The following WWOX variants were observed in gnomAD, a reference collection of about 807,000 sequenced individuals.
WWOX encodes the protein WW domain containing oxidoreductase.
WWOX carries 69 observed loss-of-function variants against 46.2 expected under a neutral mutation model. The observed-to-expected ratio is 1.49, with a 90% CI of 1.23 to 1.82. WWOX has a LOEUF of 1.82. Ranked by LOEUF, WWOX falls within the 40% of genes most tolerant of loss-of-function variation. The pLI is 0.00. For synonymous variants in WWOX, 359 were observed against 202.6 expected, an observed-to-expected ratio of 1.77 and a Z score of -6.56; for missense variants, 919 against 542.6, an observed-to-expected ratio of 1.69 and a Z score of -6.89.
intron 8 of WWOX, among the ~76,000 whole-genome samples, chr16:78,853,916 A>G (rs1022790171): frequency 3.3e-5 from 5 of 152,232 alleles, no homozygotes; most frequent in Non-Finnish European, 2.9e-5. Flanking sequence ...AATTTAAAAT[A>G]CTTGTAGTAT....
intron 8 of WWOX, among the ~76,000 whole-genome samples, chr16:78,792,303 C>T (rs2050625843): frequency 6.6e-6 from 1 of 152,114 alleles, no homozygotes; most frequent in Non-Finnish European, 1.5e-5. Flanking sequence ...CTGGAGTAAC[C>T]CAGCCCCACC....
chr16:78,100,364 C>T (rs1036550049), intron 1 of WWOX, among the ~76,000 whole-genome samples: 1 of 152,116 alleles, frequency 6.6e-6, no homozygotes, highest in Non-Finnish European at 1.5e-5. Flanking sequence ...ACAATCCTCT[C>T]ATCTCAGCCT....
chr16:78,324,845 CTG>C (rs902892540), intron 5 of WWOX, among the ~76,000 whole-genome samples: 1 of 152,116 alleles, frequency 6.6e-6, no homozygotes, highest in Non-Finnish European at 1.5e-5. Flanking sequence ...TTGCAATTGT[CTG>C]TGTTGGTTGC....
At chr16:78,497,227 T>C (rs1432794422) in intron 8 of WWOX, among the ~76,000 whole-genome samples, 8 of 63,118 alleles carry the variant, frequency 1.3e-4, no homozygotes, top group Non-Finnish European at 4.3e-4. Context: ...CCACAGCACA[T>C]ACTCATTTTT....
chr16:78,438,459 C>G (rs1362145906), intron 8 of WWOX, among the ~76,000 whole-genome samples: 3 of 149,646 alleles, frequency 2.0e-5, no homozygotes, highest in Admixed American at 6.7e-5. Flanking sequence ...CCAACCCCAC[C>G]TTTTTTTTTT....
At chr16:78,281,244 A>G (rs2079673426) in intron 5 of WWOX, among the ~76,000 whole-genome samples, 1 of 152,236 alleles carries the variant, frequency 6.6e-6, no homozygotes, top group Non-Finnish European at 1.5e-5. Flanking sequence ...AGACAGCGCC[A>G]AGCCATGAGG....
intron 8 of WWOX, among the ~76,000 whole-genome samples, chr16:78,587,216 T>TTTTTTG (rs2045230607): frequency 1.5e-5 from 2 of 134,988 alleles, no homozygotes; most frequent in African/African-American, 6.1e-5. Flanking sequence ...TTTTTTTTTT[T>TTTTTTG]GTAGAAACAG....
At chr16:78,149,599 G>A (rs1314406081) in intron 4 of WWOX, among the ~76,000 whole-genome samples, 1 of 152,226 alleles carries the variant, frequency 6.6e-6, no homozygotes, top group Non-Finnish European at 1.5e-5. Context: ...CTGGTAGGCT[G>A]TTGATGAAAC....
intron 8 of WWOX, among the ~76,000 whole-genome samples, chr16:78,816,020 C>T (rs532157285): frequency 3.0e-3 from 455 of 152,298 alleles, no homozygotes; most frequent in Non-Finnish European, 5.3e-3. Context: ...AACTGTAAGG[C>T]CAAGTGGTCA....
intron 8 of WWOX, among the ~76,000 whole-genome samples, chr16:78,919,350 A>C (rs1345151464): frequency 2.0e-5 from 3 of 151,996 alleles, no homozygotes. Flanking sequence ...GGTAGATTCT[A>C]GAATTTGCAT....
intron 8 of WWOX, among the ~76,000 whole-genome samples, chr16:78,661,412 T>C (rs907406167): frequency 2.0e-5 from 3 of 152,306 alleles, no homozygotes; most frequent in Non-Finnish European, 4.4e-5. Flanking sequence ...AATTTTTTTT[T>C]CCCCTTTCAA....
At position 79,211,889 on chromosome 16, in the gene WWOX, A is replaced by T; in HGVS notation, c.*93A>T. 1 of 1,574,642 alleles carries T rather than the reference A, an allele frequency of 6.4e-7. No homozygotes were observed. On this transcript the variant is annotated 3_prime_UTR_variant, in exon 9 of 9. Coordinates refer to ENST00000566780, the MANE Select transcript of WWOX (RefSeq NM_016373.4). ...TGGGCCCCTTCCAAATGTCCCTCCA[A>T]CACAGATCCGCAAGAGTAAAGGAAA...
intron 8 of WWOX, among the ~76,000 whole-genome samples, chr16:79,165,833 C>T (rs771614437): frequency 6.6e-6 from 1 of 152,172 alleles, no homozygotes; most frequent in Non-Finnish European, 1.5e-5. Flanking sequence ...CTCACTCGGT[C>T]GCCGAACCGG....
intron 8 of WWOX, among the ~76,000 whole-genome samples, chr16:78,755,034 A>T (rs1323838690): frequency 3.6e-5 from 4 of 109,960 alleles, no homozygotes; most frequent in Non-Finnish European, 7.1e-5. Flanking sequence ...AACATCACAC[A>T]CCGGGGCCTG....
At chr16:78,935,040 A>G (rs2045707101) in intron 8 of WWOX, among the ~76,000 whole-genome samples, 2 of 152,216 alleles carry the variant, frequency 1.3e-5, no homozygotes, top group South Asian at 2.1e-4. Context: ...CATGCAAATC[A>G]AAACCACAAT....
chr16:78,699,659 A>G (rs1597461176), intron 8 of WWOX, among the ~76,000 whole-genome samples: 1 of 152,212 alleles, frequency 6.6e-6, no homozygotes, highest in South Asian at 2.1e-4. Context: ...TGATTTTAAA[A>G]AGGAGAGTCA....
intron 8 of WWOX, among the ~76,000 whole-genome samples, chr16:79,048,867 A>G (rs1442258114): frequency 6.6e-6 from 1 of 152,078 alleles, no homozygotes; most frequent in Admixed American, 6.6e-5. Flanking sequence ...GCAATATAGC[A>G]CATCTCTACC....
At chr16:78,543,150 C>A (rs2043938331) in intron 8 of WWOX, among the ~76,000 whole-genome samples, 1 of 152,198 alleles carries the variant, frequency 6.6e-6, no homozygotes, top group South Asian at 2.1e-4. Context: ...GGGACCCGGA[C>A]TTATAGAGTC....
intron 5 of WWOX, among the ~76,000 whole-genome samples, chr16:78,351,833 T>G (rs149314254): frequency 1.5e-3 from 231 of 152,276 alleles, no homozygotes; most frequent in Admixed American, 3.1e-3. Flanking sequence ...ATTTTTATAT[T>G]TTTACTCGAG....
Sources: allele counts gnomAD v4.1 joint callset (sites outside exome capture counted in the v4.1 genomes callset), GRCh38; gene constraint gnomAD v4.1.1; transcripts MANE v1.5; gene names NCBI Gene and HGNC (gene_info 2026-07-23, HGNC 2026-07-21).